CDC5L: variants seen among roughly 807,000 people sequenced by gnomAD.
CDC5L encodes cell division cycle 5-like protein.
In CDC5L, 18 loss-of-function variants were observed where a neutral mutation model predicts 104.1. The observed-to-expected ratio is 0.17, with a 90% CI of 0.12 to 0.26. The LOEUF (loss-of-function observed/expected upper bound fraction) is 0.26, where lower values mean the gene tolerates loss of function less well. CDC5L is among the 10% of genes least tolerant of loss of function. CDC5L has a pLI of 1.00. For synonymous variants in CDC5L, 331 were observed against 322.7 expected, an observed-to-expected ratio of 1.03 and a Z score of -0.28; for missense variants, 673 against 956.9, an observed-to-expected ratio of 0.70 and a Z score of 3.91.
At chr6:44,394,043 T>C (rs1336659709) in intron 4 of CDC5L, among the ~76,000 whole-genome samples, 1 of 152,222 alleles carries the variant, frequency 6.6e-6, no homozygotes, top group Non-Finnish European at 1.5e-5. Context: ...GAGTAGTTGC[T>C]TTTTCTGAAC....
chr6:44,422,288 C>CAAA (rs1394007876), intron 9 of CDC5L, among the ~76,000 whole-genome samples: 2 of 152,196 alleles, frequency 1.3e-5, no homozygotes, highest in Non-Finnish European at 2.9e-5. Context: ...ACACAAAACT[C>CAAA]AAAGAGTCAT....
intron 8 of CDC5L, among the ~76,000 whole-genome samples, chr6:44,409,901 G>GAGAA (rs1437323639): frequency 6.6e-6 from 1 of 151,812 alleles, no homozygotes; most frequent in Non-Finnish European, 1.5e-5. Context: ...GTAGCTTTCA[G>GAGAA]AGAAAGGGTT....
At position 44,419,583 on chromosome 6, in the gene CDC5L, C is replaced by G; in HGVS notation, c.1227C>G (p.Leu409=). 6.2e-7 allele frequency: 1 copy of G among 1,613,174 alleles called. No individual in the cohort carries two copies. The highest frequency in any genetic ancestry group is 8.5e-7 in the Non-Finnish European group (1 of 1,179,180). Residue 409 remains leucine (L), a synonymous_variant, in exon 9 of 16, where the codon CTC becomes CTG. Coordinates refer to ENST00000371477, the MANE Select transcript of CDC5L (RefSeq NM_001253.4). Reference sequence around the variant, plus strand: ...TTGTACAGACTCCAAACACAGTTCTCTCTACTCCATTCAGGTATTGTAAAT... The same window carrying G: ...TTGTACAGACTCCAAACACAGTTCTGTCTACTCCATTCAGGTATTGTAAAT... The part of the protein sequence containing the change: ...RQVVQTPNTV[L]STPFRTPSNG...
intron 8 of CDC5L, among the ~76,000 whole-genome samples, chr6:44,416,958 A>G (rs746505506): frequency 6.6e-6 from 1 of 152,238 alleles, no homozygotes; most frequent in African/African-American, 2.4e-5. Flanking sequence ...ATAATGTGAA[A>G]TTCAAGATTT....
rs1482032900 is a variant in CDC5L, at chr6:44,419,510, C to G, written c.1154C>G (p.Thr385Ser). Reference sequence around the variant, plus strand: ...ACCCCATTGAAAGGTGGACTTAATACCCCATTGCATGAGAGTGACTTCTCA... The same window carrying G: ...ACCCCATTGAAAGGTGGACTTAATAGCCCATTGCATGAGAGTGACTTCTCA... ...VDTPLKGGLN[T>S]PLHESDFSGV... The change falls in exon 9 of 16, where the codon ACC becomes AGC. Residue 385 changes from threonine (T) to serine (S), a missense_variant. Coordinates refer to ENST00000371477, the MANE Select transcript of CDC5L (RefSeq NM_001253.4). 1 of 1,613,644 alleles carries G rather than the reference C, an allele frequency of 6.2e-7. No individual in the cohort carries two copies. Among genetic ancestry groups the G allele is most frequent in the Non-Finnish European group, 8.5e-7 (1 of 1,179,634 alleles).
Position 44,422,907 on chromosome 6 carries a change from T to G in CDC5L, c.1404+98T>G, listed in dbSNP as rs534097151. 16 of 671,322 alleles carry G rather than the reference T, an allele frequency of 2.4e-5. 1 individual carries two copies. The South Asian group carries it at 3.9e-4, about 16-fold the overall frequency. The allele number at this position is 671,322 out of a possible 1,614,324, so 41.6% of individuals were successfully genotyped here. A position where few individuals can be genotyped will look rare whatever the true frequency, so the allele number is the denominator to read the frequency against. ...CCTGTTAGTGCATATCACATATACC[T>G]TAAGAATCTATACACCTGTGGATGC... On this transcript the variant is annotated intron_variant, in intron 10 of 15. Transcript: ENST00000371477.
chr6:44,438,290 G>A (rs946275896), intron 14 of CDC5L, among the ~76,000 whole-genome samples: 13 of 152,192 alleles, frequency 8.5e-5, no homozygotes, highest in African/African-American at 2.9e-4. Context: ...AATGTAACTT[G>A]ATGGATTTAG....
chr6:44,444,889 G>A (rs1239982742), intron 14 of CDC5L, among the ~76,000 whole-genome samples: 1 of 152,138 alleles, frequency 6.6e-6, no homozygotes, highest in Admixed American at 6.5e-5. Flanking sequence ...TACTGCTGGG[G>A]CAGGCCAGGG....
At position 44,445,769 on chromosome 6, in the gene CDC5L, A is replaced by G. The variant is rs887017008; in HGVS notation, c.2206A>G (p.Asn736Asp). ...SRAMGLMKQL[N>D]DLWDQIEQAH... ...TGCTATGGGGCTCATGAAACAGTTG[A>G]ATGACTTATGGGACCAAATTGAACA... Residue 736 changes from asparagine to aspartate, a missense_variant, in exon 15 of 16, where the codon AAT becomes GAT. By Grantham distance (23) the Asn-to-Asp change is conservative (BLOSUM62 1). Around this residue, in one of 4 missense-constraint regions of CDC5L, gnomAD observed 578 missense variants for 737.0 expected, o/e 0.78. Transcript: ENST00000371477. 2 of 1,614,066 alleles carry G rather than the reference A, an allele frequency of 1.2e-6. No homozygotes were observed. The highest frequency in any genetic ancestry group is 1.7e-6 in the Non-Finnish European group (2 of 1,179,934).
chr6:44,424,624 G>C, intron 11 of CDC5L, 41 bp downstream of exon 11: 1 of 1,593,590 alleles, frequency 6.3e-7, no homozygotes, highest in Non-Finnish European at 8.6e-7. Flanking sequence ...TTGGCTGAAT[G>C]TGTCAGTAGG....
intron 13 of CDC5L, among the ~76,000 whole-genome samples, chr6:44,429,165 G>T (rs1456616951): frequency 6.6e-6 from 1 of 152,000 alleles, no homozygotes; most frequent in East Asian, 1.9e-4. Flanking sequence ...AGGATTACAG[G>T]CATGTGCCAC....
chr6:44,403,730 CTT>C, intron 5 of CDC5L, 77 bp from the exon 6 acceptor site: 1 of 955,744 alleles, frequency 1.0e-6, no homozygotes, highest in Non-Finnish European at 1.6e-6. Context: ...TAAATAGATA[CTT>C]TTTTTTTAAC....
At chr6:44,423,759 T>C (rs1792295634) in intron 10 of CDC5L, among the ~76,000 whole-genome samples, 1 of 152,240 alleles carries the variant, frequency 6.6e-6, no homozygotes, top group South Asian at 2.1e-4. Context: ...TTCTTTCTTC[T>C]GCATGGGATT....
chr6:44,416,344 G>C (rs1791906560), intron 8 of CDC5L, among the ~76,000 whole-genome samples: 1 of 152,172 alleles, frequency 6.6e-6, no homozygotes, highest in African/African-American at 2.4e-5. Context: ...GAGGGTTGTT[G>C]ACTCTTTGTC....
chr6:44,402,936 A>C (rs75206057), intron 5 of CDC5L, among the ~76,000 whole-genome samples: 1 of 152,214 alleles, frequency 6.6e-6, no homozygotes, highest in Non-Finnish European at 1.5e-5. Context: ...CCAGCTATCT[A>C]CTATCATAAA....
chr6:44,389,870 A>T (rs539557714), intron 1 of CDC5L, among the ~76,000 whole-genome samples: 1 of 152,234 alleles, frequency 6.6e-6, no homozygotes, highest in South Asian at 2.1e-4. Context: ...TTTTTGAGTG[A>T]GTGTATAAAT....
chr6:44,388,144 A>ACCCCCCCCCCCCCCCCCCCC (rs1790424578), intron 1 of CDC5L, among the ~76,000 whole-genome samples: 1 of 44,794 alleles, frequency 2.2e-5, no homozygotes, highest in African/African-American at 9.6e-5. Flanking sequence ...GCCCCCTCCC[A>ACCCCCCCCCCCCCCCCCCCC]CCCCGCCCCC....
rs1277230783 is a variant in CDC5L at position 44,447,964 on chromosome 6, A to T, written c.*1253A>T. ...AGGAAATTAAAGTAGGGTGATTATG[A>T]GATAGTGAATGAGTGGCTATTTTAG... On this transcript the variant is annotated 3_prime_UTR_variant, in exon 16 of 16. Coordinates refer to ENST00000371477, the MANE Select transcript of CDC5L (RefSeq NM_001253.4). The T allele has an allele frequency of 6.6e-6, 1 of 152,168 alleles. No individual in the cohort carries two copies. The highest frequency in any genetic ancestry group is 1.5e-5 in the Non-Finnish European group (1 of 68,054). The allele number at this position is 152,168 out of a possible 1,614,324, so 9.4% of individuals were successfully genotyped here.
chr6:44,425,991 A>G (rs531760657), intron 11 of CDC5L, 112 bp from the exon 12 acceptor site: 14 of 624,150 alleles, frequency 2.2e-5, no homozygotes, highest in African/African-American at 2.1e-4. Flanking sequence ...ACCGATTTCT[A>G]AACTTTAGCT....
Sources: allele counts gnomAD v4.1 joint callset (sites outside exome capture counted in the v4.1 genomes callset), GRCh38; gene constraint gnomAD v4.1.1; regional missense constraint gnomAD v4.1.1; transcripts MANE v1.5; gene names NCBI Gene and HGNC (gene_info 2026-07-23, HGNC 2026-07-21).